The following SNAPC1 variants were observed in gnomAD, a reference collection of about 807,000 sequenced individuals.
The protein encoded by SNAPC1 is small nuclear RNA activating complex polypeptide 1.
In SNAPC1, 42 loss-of-function variants were observed where a neutral mutation model predicts 50.1. The ratio of observed to expected loss-of-function variants is 0.84; its 90% confidence interval spans 0.65 to 1.08. The LOEUF (loss-of-function observed/expected upper bound fraction) is 1.08. Ranked by LOEUF, SNAPC1 falls within the 50% of genes least tolerant of loss-of-function variation. SNAPC1 has a pLI of 0.00. For synonymous variants in SNAPC1, 164 were observed against 144.2 expected, an observed-to-expected ratio of 1.14 and a Z score of -0.98; for missense variants, 477 against 427.3, an observed-to-expected ratio of 1.12 and a Z score of -1.02.
intron 7 of SNAPC1, 145 bp from the exon 8 acceptor site, chr14:61,782,102 C>A: frequency 1.7e-6 from 1 of 582,102 alleles, no homozygotes; most frequent in South Asian, 3.0e-5. Flanking sequence ...TATAGTAAGC[C>A]AGCCAGGGGT....
intron 8 of SNAPC1, among the ~76,000 whole-genome samples, chr14:61,787,520 C>T (rs1429288388): frequency 6.6e-6 from 1 of 151,780 alleles, no homozygotes; most frequent in Non-Finnish European, 1.5e-5. Flanking sequence ...AGTGCAGCCA[C>T]GTGGTGGAAG....
intron 4 of SNAPC1, among the ~76,000 whole-genome samples, chr14:61,775,101 C>A (rs981626345): frequency 6.6e-6 from 1 of 152,120 alleles, no homozygotes; most frequent in Admixed American, 6.5e-5. Context: ...ATCTTAGAGC[C>A]AAGTCCCTAT....
rs2045184361 is a variant in SNAPC1, at chr14:61,795,716, A to C, written c.*733A>C. 2 of 144,368 alleles carry C rather than the reference A, an allele frequency of 1.4e-5. No homozygotes were observed. Among genetic ancestry groups the C allele is most frequent in the Admixed American group, 1.4e-4 (2 of 14,336 alleles). 8.9% of individuals were successfully genotyped at this position (144,368 alleles called of 1,614,324 possible). A position where few individuals can be genotyped will look rare whatever the true frequency, so the allele number is the denominator to read the frequency against. On this transcript the variant is annotated 3_prime_UTR_variant, in exon 10 of 10. Transcript: ENST00000216294. Reference sequence around the variant, plus strand: ...GGTACAGAATAGTTGATATTAACAGAAAAAAAAAAATCTGTAGCTTCATGA... The same window carrying C: ...GGTACAGAATAGTTGATATTAACAGCAAAAAAAAAATCTGTAGCTTCATGA...
intron 5 of SNAPC1, among the ~76,000 whole-genome samples, chr14:61,777,066 T>C (rs1165553478): frequency 6.6e-6 from 1 of 152,240 alleles, no homozygotes; most frequent in African/African-American, 2.4e-5. Flanking sequence ...ACTTACTATG[T>C]GTCTTGATAA....
At position 61,792,795 on chromosome 14, in the gene SNAPC1, A is replaced by G; in HGVS notation, c.977-12A>G. ...TTGCTTTCATATAAAATCATTTTCTAAATATTTCTAGGCAATGTGCAGAAT... is the reference window on the plus strand; with the variant it reads ...TTGCTTTCATATAAAATCATTTTCTGAATATTTCTAGGCAATGTGCAGAAT... On this transcript the variant is annotated splice_polypyrimidine_tract_variant and intron_variant, in intron 8 of 9. Transcript: ENST00000216294. 2 of 1,396,632 alleles carry G rather than the reference A, an allele frequency of 1.4e-6. No individual in the cohort carries two copies. Among genetic ancestry groups the G allele is most frequent in the Non-Finnish European group, 2.0e-6 (2 of 1,019,394 alleles). The allele number at this position is 1,396,632 out of a possible 1,614,324, so 86.5% of individuals were successfully genotyped here. A position where few individuals can be genotyped will look rare whatever the true frequency, so the allele number is the denominator to read the frequency against.
chr14:61,775,255 CT>C (rs907312840), intron 4 of SNAPC1, among the ~76,000 whole-genome samples: 65 of 145,758 alleles, frequency 4.5e-4, no homozygotes, highest in Middle Eastern at 3.6e-3. Context: ...CTATTTCTTT[CT>C]TTTTTTTTTT....
At chr14:61,790,766 A>G (rs2045146597) in intron 8 of SNAPC1, among the ~76,000 whole-genome samples, 1 of 151,918 alleles carries the variant, frequency 6.6e-6, no homozygotes, top group African/African-American at 2.4e-5. Context: ...ATACTGTGCT[A>G]CCTCCCAGGT....
chr14:61,768,641 A>G lies in SNAPC1; in HGVS notation c.435A>G (p.Ser145=), dbSNP rs2044966091. 16 of 1,556,418 alleles carry G rather than the reference A, an allele frequency of 1.0e-5. No homozygotes were observed. The highest frequency in any genetic ancestry group is 1.4e-5 in the Non-Finnish European group (16 of 1,128,472). ...AGACACGTATTATCACATAGCTGTC[A>G]TATAGGATGAAGAAAAAAATTCACC... ...FHFTAMPKLL[S]YRMKKKIHRA... The change falls in exon 4 of 10, where the codon TCA becomes TCG. Residue 145 remains serine (S), a synonymous_variant. Transcript: ENST00000216294.
rs866316478 is a variant in SNAPC1, at chr14:61,795,532, A to G, written c.*549A>G. 9 of 152,364 alleles carry G rather than the reference A, an allele frequency of 5.9e-5. No individual in the cohort carries two copies. The highest frequency in any genetic ancestry group is 2.2e-4 in the African/African-American group (9 of 41,414). The allele number at this position is 152,364 out of a possible 1,614,324, so 9.4% of individuals were successfully genotyped here. ...TGATAACTTAGGAAGTTCACAATGT[A>G]TTTTCTACTTCTGCAATTAAATATT... On this transcript the variant is annotated 3_prime_UTR_variant, in exon 10 of 10. Coordinates refer to ENST00000216294, the MANE Select transcript of SNAPC1 (RefSeq NM_003082.4).
intron 8 of SNAPC1, 63 bp from the exon 9 acceptor site, chr14:61,792,744 T>A: frequency 1.1e-6 from 1 of 925,592 alleles, no homozygotes; most frequent in South Asian, 2.0e-5. Flanking sequence ...TTTTGTAAAA[T>A]GTTTTCTCAA....
Position 61,778,829 on chromosome 14 carries a change from C to A in SNAPC1, c.763-19C>A, listed in dbSNP as rs904942833. On this transcript the variant is annotated intron_variant, in intron 6 of 9. Transcript: ENST00000216294. Reference sequence around the variant, plus strand: ...GTTTGTGTGTTTTAACTTTTTTTTCCTTCTTATTTTACATCCAGAGATGTG... The same window carrying A: ...GTTTGTGTGTTTTAACTTTTTTTTCATTCTTATTTTACATCCAGAGATGTG... The A allele has an allele frequency of 6.7e-7, 1 of 1,496,956 alleles. No homozygotes were observed. The highest frequency in any genetic ancestry group is 9.0e-7 in the Non-Finnish European group (1 of 1,108,224). The allele number at this position is 1,496,956 out of a possible 1,614,324, so 92.7% of individuals were successfully genotyped here. A position where few individuals can be genotyped will look rare whatever the true frequency, so the allele number is the denominator to read the frequency against.
At chr14:61,776,813 A>G (rs1035953909) in intron 5 of SNAPC1, among the ~76,000 whole-genome samples, 9 of 152,128 alleles carry the variant, frequency 5.9e-5, no homozygotes, top group African/African-American at 2.2e-4. Flanking sequence ...CACATTGTCT[A>G]CCTGGTATGG....
chr14:61,795,710 T>A lies in SNAPC1; in HGVS notation c.*727T>A, dbSNP rs1341000650. Reference sequence around the variant, plus strand: ...GTCTCTGGTACAGAATAGTTGATATTAACAGAAAAAAAAAAATCTGTAGCT... The same window carrying A: ...GTCTCTGGTACAGAATAGTTGATATAAACAGAAAAAAAAAAATCTGTAGCT... On this transcript the variant is annotated 3_prime_UTR_variant, in exon 10 of 10. Coordinates refer to ENST00000216294, the MANE Select transcript of SNAPC1 (RefSeq NM_003082.4). The A allele has an allele frequency of 2.0e-5, 3 of 151,672 alleles. No homozygotes were observed. Among genetic ancestry groups the A allele is most frequent in the Admixed American group, 1.3e-4 (2 of 15,244 alleles). 9.4% of individuals were successfully genotyped at this position (151,672 alleles called of 1,614,324 possible). A position where few individuals can be genotyped will look rare whatever the true frequency, so the allele number is the denominator to read the frequency against.
At chr14:61,777,280 G>A (rs962311690) in intron 5 of SNAPC1, among the ~76,000 whole-genome samples, 1 of 152,220 alleles carries the variant, frequency 6.6e-6, no homozygotes, top group Admixed American at 6.5e-5. Flanking sequence ...TTATTTTAAT[G>A]AGAGATAGCA....
At chr14:61,788,843 G>A (rs1365248095) in intron 8 of SNAPC1, among the ~76,000 whole-genome samples, 3 of 152,096 alleles carry the variant, frequency 2.0e-5, no homozygotes. Context: ...ATTCATTGCA[G>A]GATTATTTGA....
At chr14:61,787,199 C>T (rs1431193431) in intron 8 of SNAPC1, among the ~76,000 whole-genome samples, 1 of 152,136 alleles carries the variant, frequency 6.6e-6, no homozygotes, top group African/African-American at 2.4e-5. Context: ...TCTATATTTT[C>T]GTTGCAGTGG....
intron 1 of SNAPC1, among the ~76,000 whole-genome samples, chr14:61,766,320 G>C (rs2044948413): frequency 6.6e-6 from 1 of 152,192 alleles, no homozygotes; most frequent in Admixed American, 6.5e-5. Flanking sequence ...AATGAAGACA[G>C]ATACAGAATG....
intron 8 of SNAPC1, among the ~76,000 whole-genome samples, chr14:61,783,681 G>A (rs1661437): frequency 0.026 from 3,873 of 151,618 alleles, 112 homozygotes; most frequent in African/African-American, 0.061. Flanking sequence ...GACTACAGGC[G>A]CCCACCACCA....
chr14:61,783,550 T>TTTTTC (rs60389853), intron 8 of SNAPC1, among the ~76,000 whole-genome samples: 1 of 142,276 alleles, frequency 7.0e-6, no homozygotes, highest in African/African-American at 2.7e-5. Flanking sequence ...TTTTTTTTTT[T>TTTTTC]CTTGAGACAG....
Sources: allele counts gnomAD v4.1 joint callset (sites outside exome capture counted in the v4.1 genomes callset), GRCh38; gene constraint gnomAD v4.1.1; transcripts MANE v1.5; gene names NCBI Gene and HGNC (gene_info 2026-07-23, HGNC 2026-07-21).